Variants in PRR16 observed in about 807,000 individuals in gnomAD.
PRR16 encodes the protein protein Largen.
In PRR16, 6 loss-of-function variants were observed where a neutral mutation model predicts 18.2. The observed-to-expected ratio is 0.33, with a 90% confidence interval of 0.18 to 0.65. The LOEUF is 0.65. Ranked by LOEUF, PRR16 falls within the 30% of genes least tolerant of loss-of-function variation. The pLI, the probability that PRR16 is intolerant of heterozygous loss-of-function variation, is 0.74. For synonymous variants in PRR16, 151 were observed against 147.8 expected, an observed-to-expected ratio of 1.02 and a Z score of -0.16; for missense variants, 412 against 376.6, an observed-to-expected ratio of 1.09 and a Z score of -0.78.
chr5:120,696,549 A>T, the PRR16 span, among the ~76,000 whole-genome samples: 15 of 152,232 alleles, frequency 9.9e-5, no homozygotes, highest in Non-Finnish European at 2.1e-4. Flanking sequence ...AATAGGCTGA[A>T]TAAACTTGTG....
At chr5:120,535,937 T>C (rs755546301) in intron 1 of PRR16, among the ~76,000 whole-genome samples, 8 of 152,334 alleles carry the variant, frequency 5.3e-5, no homozygotes, top group Non-Finnish European at 1.2e-4. Flanking sequence ...ATTCCATCTC[T>C]ATTTTAATAA....
intron 1 of PRR16, among the ~76,000 whole-genome samples, chr5:120,657,770 T>C (rs1180803269): frequency 6.6e-6 from 1 of 151,938 alleles, no homozygotes; most frequent in East Asian, 1.9e-4. Flanking sequence ...ATGTGACAAC[T>C]TGGAAGAAAG....
At chr5:120,590,484 T>G (rs1033966399) in intron 1 of PRR16, among the ~76,000 whole-genome samples, 2 of 137,010 alleles carry the variant, frequency 1.5e-5, no homozygotes, top group African/African-American at 5.6e-5. Flanking sequence ...CAATATTTGA[T>G]ACTCATTCTA....
intron 1 of PRR16, among the ~76,000 whole-genome samples, chr5:120,480,274 A>G (rs561025376): frequency 1.3e-5 from 2 of 152,282 alleles, no homozygotes; most frequent in South Asian, 2.1e-4. Flanking sequence ...AAAATGTTCA[A>G]GAGTTTAACA....
chr5:120,627,754 A>T (rs892889321), intron 1 of PRR16, among the ~76,000 whole-genome samples: 1 of 152,058 alleles, frequency 6.6e-6, no homozygotes, highest in Non-Finnish European at 1.5e-5. Flanking sequence ...GCTCCAAGTT[A>T]TTCTTCCCCC....
chr5:120,552,575 C>T (rs78814035), intron 1 of PRR16, among the ~76,000 whole-genome samples: 6,818 of 151,820 alleles, frequency 0.045, 158 homozygotes, highest in African/African-American at 0.061. Context: ...AAAAAACTGA[C>T]GTAGTTGTTT....
At chr5:120,539,651 C>G (rs142092061) in intron 1 of PRR16, among the ~76,000 whole-genome samples, 24 of 151,834 alleles carry the variant, frequency 1.6e-4, no homozygotes, top group Admixed American at 1.2e-3. Context: ...ACATGTGCCC[C>G]TTGAACCTGA....
At chr5:120,762,453 T>G in the PRR16 span, among the ~76,000 whole-genome samples, 2 of 152,170 alleles carry the variant, frequency 1.3e-5, no homozygotes, top group Admixed American at 1.3e-4. Context: ...TTTGCATTTT[T>G]GCATTTCCCT....
the PRR16 span, among the ~76,000 whole-genome samples, chr5:120,757,691 AG>A: frequency 3.3e-5 from 5 of 152,128 alleles, no homozygotes; most frequent in Non-Finnish European, 7.4e-5. Flanking sequence ...TAAATAATAA[AG>A]TAATAATTAT....
intron 1 of PRR16, among the ~76,000 whole-genome samples, chr5:120,539,236 T>TTTCTAATAATATTAGAAATA (rs1751829396): frequency 6.6e-6 from 1 of 151,438 alleles, no homozygotes; most frequent in South Asian, 2.1e-4. Context: ...TAAATATTAT[T>TTTCTAATAATATTAGAAATA]TTCTAATAAT....
At chr5:120,748,453 T>C in the PRR16 span, among the ~76,000 whole-genome samples, 2 of 152,108 alleles carry the variant, frequency 1.3e-5, no homozygotes, top group South Asian at 2.1e-4. Flanking sequence ...GTGTGTAGTA[T>C]ATTTGGGGAC....
the PRR16 span, among the ~76,000 whole-genome samples, chr5:120,787,670 T>G: frequency 6.6e-6 from 1 of 152,144 alleles, no homozygotes; most frequent in Non-Finnish European, 1.5e-5. Context: ...GTTTGCTCAC[T>G]TCAATTTACC....
rs571616323 is a variant in PRR16, at chr5:120,465,190, AC to A, written c.159+548del. Among the ~76,000 whole-genome samples, 398 of 152,032 alleles carry A rather than the reference AC, an allele frequency of 2.6e-3. 4 individuals carry two copies. Among genetic ancestry groups the A allele is most frequent in the African/African-American group, 9.2e-3 (383 of 41,454 alleles). ...CTCGAGCCTCGCTGTAGGGAAGGCG[AC>A]CCGGGCTGCTGGCAGCCTTGGGGCT... On this transcript the variant is annotated intron_variant, in intron 1 of 1. Coordinates refer to ENST00000407149, the MANE Select transcript of PRR16 (RefSeq NM_001300783.2).
intron 1 of PRR16, among the ~76,000 whole-genome samples, chr5:120,560,815 G>A (rs1179589582): frequency 1.3e-5 from 2 of 151,996 alleles, no homozygotes; most frequent in Non-Finnish European, 2.9e-5. Flanking sequence ...CTTGTTATTG[G>A]TCTGTTCAGG....
intron 1 of PRR16, among the ~76,000 whole-genome samples, chr5:120,558,938 G>T (rs955982903): frequency 5.9e-5 from 9 of 151,800 alleles, no homozygotes; most frequent in African/African-American, 1.9e-4. Flanking sequence ...CACTGATATG[G>T]CTTCTTTTGA....
At chr5:120,611,015 A>G (rs1754316827) in intron 1 of PRR16, among the ~76,000 whole-genome samples, 1 of 152,184 alleles carries the variant, frequency 6.6e-6, no homozygotes, top group Admixed American at 6.5e-5. Flanking sequence ...GTGGTCTCAG[A>G]TGGAGATGAG....
chr5:120,617,098 C>A lies in PRR16; in HGVS notation c.160-68856C>A, dbSNP rs186960485. 5 of 984,946 alleles carry A rather than the reference C, an allele frequency of 5.1e-6. No homozygotes were observed. The African/African-American group carries it at 7.0e-5, about 14-fold the overall frequency. 61.0% of individuals were successfully genotyped at this position (984,946 alleles called of 1,614,324 possible). A position where few individuals can be genotyped will look rare whatever the true frequency, so the allele number is the denominator to read the frequency against. ...AGTTTTCTAATTTTTTTAACAGAAG[C>A]TCCATTACCTACTCCCACCTCCCCA... On this transcript the variant is annotated intron_variant, in intron 1 of 1. Transcript: ENST00000407149.
chr5:120,492,865 C>T (rs965577100), intron 1 of PRR16, among the ~76,000 whole-genome samples: 1 of 152,164 alleles, frequency 6.6e-6, no homozygotes, highest in Non-Finnish European at 1.5e-5. Flanking sequence ...CCAGTTCCAT[C>T]CAAGTTGCTA....
At chr5:120,714,705 C>T in the PRR16 span, among the ~76,000 whole-genome samples, 8 of 152,180 alleles carry the variant, frequency 5.3e-5, no homozygotes, top group Non-Finnish European at 1.0e-4. Flanking sequence ...TTTACTGCAG[C>T]ACTATTTACA....
Sources: gnomAD v4.1 joint callset for allele counts (sites outside exome capture counted in the v4.1 genomes callset) on GRCh38, gnomAD v4.1.1 for gene constraint, MANE v1.5 for transcripts, NCBI Gene and HGNC (gene_info 2026-07-23, HGNC 2026-07-21) for gene names.